The following CALCR variants were observed in gnomAD, a reference collection of about 807,000 sequenced individuals.
CALCR encodes calcitonin receptor.
In CALCR, 47 loss-of-function variants were observed where a neutral mutation model predicts 59.5. The ratio of observed to expected loss-of-function variants is 0.79; its 90% confidence interval spans 0.63 to 1.01. The LOEUF (loss-of-function observed/expected upper bound fraction) is 1.01. CALCR is among the 50% of genes least tolerant of loss of function. The pLI, the probability that CALCR is intolerant of heterozygous loss-of-function variation, is 0.00. For missense variants in CALCR, 566 were observed against 597.1 expected, an observed-to-expected ratio of 0.95 and a Z score of 0.54; for synonymous variants, 213 against 211.3, an observed-to-expected ratio of 1.01 and a Z score of -0.07.
At chr7:93,565,541 T>C (rs1300058220) in intron 2 of CALCR, among the ~76,000 whole-genome samples, 2 of 152,230 alleles carry the variant, frequency 1.3e-5, no homozygotes, top group East Asian at 1.9e-4. Flanking sequence ...AATACAATTG[T>C]TTTCATTTTG....
intron 7 of CALCR, among the ~76,000 whole-genome samples, chr7:93,463,259 TTAGA>T (rs1199778299): frequency 6.6e-6 from 1 of 151,762 alleles, no homozygotes; most frequent in Non-Finnish European, 1.5e-5. Context: ...ATATATATAT[TTAGA>T]TAGATACAGT....
intron 2 of CALCR, among the ~76,000 whole-genome samples, chr7:93,567,209 C>G (rs1789883251): frequency 6.6e-6 from 1 of 152,210 alleles, no homozygotes; most frequent in African/African-American, 2.4e-5. Flanking sequence ...GGAGGAAGTA[C>G]TACAGATGAA....
chr7:93,528,802 A>G (rs1788748834), intron 2 of CALCR, among the ~76,000 whole-genome samples: 1 of 152,180 alleles, frequency 6.6e-6, no homozygotes, highest in Admixed American at 6.5e-5. Context: ...TTTGACCACA[A>G]GATACTTGGC....
chr7:93,557,123 T>G (rs954885609), intron 2 of CALCR, among the ~76,000 whole-genome samples: 11 of 152,054 alleles, frequency 7.2e-5, no homozygotes, highest in Admixed American at 5.9e-4. Flanking sequence ...TTAATAACTT[T>G]GGAGTCAGAG....
intron 3 of CALCR, among the ~76,000 whole-genome samples, chr7:93,481,196 A>T (rs1235083809): frequency 6.6e-6 from 1 of 151,920 alleles, no homozygotes. Context: ...TAATATTGTT[A>T]AAACATGGTA....
intron 2 of CALCR, among the ~76,000 whole-genome samples, chr7:93,552,847 T>TC (rs1789497262): frequency 1.3e-5 from 2 of 152,082 alleles, no homozygotes; most frequent in African/African-American, 4.8e-5. Flanking sequence ...GTAGCACTCC[T>TC]CCCCGGTAAA....
At chr7:93,567,305 CTTTA>C (rs1458291363) in intron 2 of CALCR, among the ~76,000 whole-genome samples, 1 of 152,082 alleles carries the variant, frequency 6.6e-6, no homozygotes, top group Non-Finnish European at 1.5e-5. Flanking sequence ...ATAAAAAACA[CTTTA>C]TTTATGGACA....
At position 93,460,871 on chromosome 7, in the gene CALCR, T is replaced by C. The variant is rs1800320059; in HGVS notation, c.598A>G (p.Ile200Val). Residue 200 changes from isoleucine to valine, a missense_variant, in exon 8 of 14, where the codon ATC (isoleucine) becomes GTC (valine). Transcript: ENST00000426151. ...TTGGGTACTACTTCAACCAGGTGGA[T>C]GATGATAATCATAGAATTCAGAATG... ...TYILNSMIII[I>V]HLVEVVPNGE... 2 of 1,611,784 alleles carry C rather than the reference T, an allele frequency of 1.2e-6. No individual in the cohort carries two copies. The highest frequency in any genetic ancestry group is 2.2e-5 in the South Asian group (2 of 90,924).
At chr7:93,493,431 C>T (rs939590186) in intron 2 of CALCR, among the ~76,000 whole-genome samples, 3 of 151,354 alleles carry the variant, frequency 2.0e-5, no homozygotes, top group Non-Finnish European at 3.0e-5. Context: ...AGCTTCTAGT[C>T]TCTAGGACTC....
intron 7 of CALCR, among the ~76,000 whole-genome samples, chr7:93,467,931 C>T (rs891060541): frequency 6.6e-6 from 1 of 151,292 alleles, no homozygotes; most frequent in African/African-American, 2.4e-5. Flanking sequence ...TTTTACTGAA[C>T]CGTGGTGTGT....
intron 2 of CALCR, among the ~76,000 whole-genome samples, chr7:93,515,547 T>A (rs573731903): frequency 1.3e-5 from 2 of 152,194 alleles, no homozygotes; most frequent in East Asian, 1.9e-4. Context: ...CTCAAATATA[T>A]CTGCTTATAT....
At chr7:93,569,076 C>T (rs1045264488) in intron 2 of CALCR, among the ~76,000 whole-genome samples, 22 of 103,740 alleles carry the variant, frequency 2.1e-4, no homozygotes, top group Admixed American at 4.2e-4. Context: ...AAAATAATTT[C>T]GTTTTTTTTT....
intron 2 of CALCR, among the ~76,000 whole-genome samples, chr7:93,499,617 A>G (rs1801279996): frequency 6.6e-6 from 1 of 151,844 alleles, no homozygotes; most frequent in Admixed American, 6.6e-5. Flanking sequence ...TTTCTTTATT[A>G]TATTGGAAAA....
At chr7:93,430,220 C>A (rs768631275) in intron 13 of CALCR, among the ~76,000 whole-genome samples, 11 of 152,108 alleles carry the variant, frequency 7.2e-5, no homozygotes, top group Non-Finnish European at 1.2e-4. Flanking sequence ...CAGGCGTGAG[C>A]CACCACGCCT....
chr7:93,499,419 A>G (rs939300360), intron 2 of CALCR, among the ~76,000 whole-genome samples: 1 of 151,822 alleles, frequency 6.6e-6, no homozygotes, highest in Non-Finnish European at 1.5e-5. Context: ...CTCTAAATAA[A>G]TTCATTTAAA....
intron 2 of CALCR, among the ~76,000 whole-genome samples, chr7:93,518,252 A>C (rs1350923911): frequency 6.6e-6 from 1 of 151,720 alleles, no homozygotes; most frequent in Non-Finnish European, 1.5e-5. Flanking sequence ...ACATAAAAAA[A>C]TCAAGAACTG....
intron 13 of CALCR, among the ~76,000 whole-genome samples, chr7:93,433,009 G>A (rs1799690056): frequency 2.0e-5 from 3 of 152,104 alleles, no homozygotes; most frequent in African/African-American, 7.2e-5. Context: ...AATAGTAAAT[G>A]CACAATGTAT....
At chr7:93,535,629 T>C (rs1788965041) in intron 2 of CALCR, among the ~76,000 whole-genome samples, 1 of 151,800 alleles carries the variant, frequency 6.6e-6, no homozygotes, top group Non-Finnish European at 1.5e-5. Flanking sequence ...GCATCTCTCC[T>C]TGGTCCACTA....
At chr7:93,459,869 A>G (rs186665367) in intron 8 of CALCR, among the ~76,000 whole-genome samples, 2 of 152,300 alleles carry the variant, frequency 1.3e-5, no homozygotes, top group Non-Finnish European at 2.9e-5. Context: ...TGTTCTCTAT[A>G]GTACTCAAAT....
Sources: allele counts gnomAD v4.1 joint callset (sites outside exome capture counted in the v4.1 genomes callset), GRCh38; gene constraint gnomAD v4.1.1; transcripts MANE v1.5; gene names NCBI Gene and HGNC (gene_info 2026-07-23, HGNC 2026-07-21).